XDH: variants seen among roughly 807,000 people sequenced by gnomAD.
XDH encodes the protein xanthine dehydrogenase.
A neutral mutation model predicts 156.1 loss-of-function variants in XDH; 138 were observed. That is an observed-to-expected ratio of 0.88 (90% CI 0.77 to 1.02). XDH has a LOEUF of 1.02. Among genes scored for constraint, XDH ranks in the 50% least tolerant of loss-of-function variants. The pLI, the probability that XDH is intolerant of heterozygous loss-of-function variation, is 0.00. For synonymous variants in XDH, 669 were observed against 625.7 expected, an observed-to-expected ratio of 1.07 and a Z score of -1.03; for missense variants, 1,849 against 1,684.9, an observed-to-expected ratio of 1.10 and a Z score of -1.71.
intron 1 of XDH, among the ~76,000 whole-genome samples, chr2:31,409,407 ATATGTAGATCTAC>A (rs1470087741): frequency 2.0e-5 from 3 of 152,196 alleles, no homozygotes; most frequent in African/African-American, 7.2e-5. Flanking sequence ...TACCCCATAA[ATATGTAGATCTAC>A]TATGTACCCC....
intron 7 of XDH, 115 bp downstream of exon 7, chr2:31,388,112 G>A (rs1390504585): frequency 9.7e-6 from 12 of 1,240,498 alleles, no homozygotes; most frequent in East Asian, 4.7e-5. Context: ...TGCCATCACC[G>A]ACTCACCGTA....
chr2:31,408,599 G>A (rs568269432), intron 1 of XDH, among the ~76,000 whole-genome samples: 1 of 152,282 alleles, frequency 6.6e-6, no homozygotes, highest in East Asian at 1.9e-4. Flanking sequence ...TGGAAGATAT[G>A]GAAAAGCTCT....
At chr2:31,400,960 A>T (rs1687041890) in intron 4 of XDH, among the ~76,000 whole-genome samples, 1 of 152,202 alleles carries the variant, frequency 6.6e-6, no homozygotes, top group African/African-American at 2.4e-5. Context: ...CACCAGATTC[A>T]GTTGGCCTCT....
At chr2:31,344,563 G>T in intron 31 of XDH, 121 bp downstream of exon 31, 1 of 1,138,802 alleles carries the variant, frequency 8.8e-7, no homozygotes, top group Non-Finnish European at 1.3e-6. Context: ...GAAGTCTGTT[G>T]AAGAGATAAG....
intron 24 of XDH, 22 bp from the exon 25 acceptor site, chr2:31,350,245 T>C (rs753225173): frequency 1.2e-6 from 2 of 1,613,888 alleles, no homozygotes; most frequent in Non-Finnish European, 1.7e-6. Flanking sequence ...GAAACAAAAA[T>C]GGGAGAGAAC....
intron 32 of XDH, among the ~76,000 whole-genome samples, chr2:31,341,833 AAAG>A (rs1685132293): frequency 1.3e-5 from 2 of 152,222 alleles, no homozygotes; most frequent in South Asian, 2.1e-4. Context: ...GGAAAAATAA[AAAG>A]AAGAATATTT....
chr2:31,341,390 A>C lies in XDH; in HGVS notation c.3524T>G (p.Leu1175Arg), dbSNP rs757908652. The C allele has an allele frequency of 6.3e-7, 1 of 1,576,114 alleles. No individual in the cohort carries two copies. The highest frequency in any genetic ancestry group is 8.6e-7 in the Non-Finnish European group (1 of 1,158,002). ...AACATCCATGACAATATCTGTGCGG[A>C]GGTTCTAGAGTAGACAGCAAAATTA... ...IDCLTGDHKN[L>R]RTDIVMDVGS... The change falls in exon 33 of 36, where the codon CTC becomes CGC. Residue 1175 changes from leucine to arginine, a missense_variant. Leu to Arg is a moderately radical substitution (Grantham distance 102, BLOSUM62 -2). Coordinates refer to ENST00000379416, the MANE Select transcript of XDH (RefSeq NM_000379.4).
intron 24 of XDH, among the ~76,000 whole-genome samples, chr2:31,359,228 T>C (rs1053382262): frequency 1.8e-4 from 27 of 152,146 alleles, no homozygotes; most frequent in African/African-American, 6.5e-4. Context: ...TATAATTTGA[T>C]CATTTCTTTT....
intron 24 of XDH, among the ~76,000 whole-genome samples, chr2:31,359,991 T>C (rs566553087): frequency 4.6e-5 from 7 of 152,228 alleles, no homozygotes; most frequent in African/African-American, 1.7e-4. Context: ...CATTGGAGAA[T>C]GTGAAAAGGC....
intron 32 of XDH, 94 bp downstream of exon 32, chr2:31,342,089 A>G: frequency 1.7e-6 from 2 of 1,177,636 alleles, no homozygotes; most frequent in Non-Finnish European, 2.5e-6. Flanking sequence ...TATTTTTCCA[A>G]CCAGAAATCT....
At chr2:31,365,585 A>G in intron 22 of XDH, 41 bp from the exon 23 acceptor site, 1 of 1,608,864 alleles carries the variant, frequency 6.2e-7, no homozygotes, top group Non-Finnish European at 8.5e-7. Flanking sequence ...TGAGCCTTCA[A>G]CAGCAGCTCA....
In XDH at chr2:31,375,338, A is replaced by G. The variant is rs750686522; in HGVS notation, c.1602+42T>C. On this transcript the variant is annotated intron_variant, in intron 15 of 35. Transcript: ENST00000379416. ...CCCAGACCAACTTCTTATATCCCCA[A>G]ACATGCTACAGAGAGCCTGTGCCTG... 4.3e-6 allele frequency: 7 copies of G among 1,613,514 alleles called. No homozygotes were observed. In the African/African-American group the frequency reaches 5.3e-5, roughly 12 times the overall value.
chr2:31,388,332 CAA>C, intron 6 of XDH, 37 bp from the exon 7 acceptor site: 1 of 1,606,806 alleles, frequency 6.2e-7, no homozygotes, highest in Non-Finnish European at 8.5e-7. Flanking sequence ...AGGGTATTTA[CAA>C]AGAGTATTTG....
chr2:31,380,004 C>T lies in XDH; in HGVS notation c.1133-28G>A, dbSNP rs764348793. 3 of 1,607,966 alleles carry T rather than the reference C, an allele frequency of 1.9e-6. No individual in the cohort carries two copies. In the African/African-American group the frequency reaches 4.0e-5, roughly 22 times the overall value. Reference sequence around the variant, plus strand: ...GTACAGAAGCAAGATGAAGAGGAGCCAAAGTGAGGGAAAGGCTGGGAACCC... The same window carrying T: ...GTACAGAAGCAAGATGAAGAGGAGCTAAAGTGAGGGAAAGGCTGGGAACCC... On this transcript the variant is annotated intron_variant, in intron 12 of 35. Coordinates refer to ENST00000379416, the MANE Select transcript of XDH (RefSeq NM_000379.4).
intron 16 of XDH, among the ~76,000 whole-genome samples, chr2:31,372,633 A>C (rs1686108095): frequency 6.6e-6 from 1 of 152,246 alleles, no homozygotes; most frequent in Non-Finnish European, 1.5e-5. Context: ...CATTTCCACT[A>C]ATTGGGGATT....
At chr2:31,386,644 T>A in intron 8 of XDH, 89 bp from the exon 9 acceptor site, 1 of 1,533,500 alleles carries the variant, frequency 6.5e-7, no homozygotes, top group Non-Finnish European at 9.0e-7. Context: ...ATGGGATGTT[T>A]TACTGACATT....
rs1046261220 is a variant in XDH, at chr2:31,340,319, G to A, written c.3586-642C>T. Among the ~76,000 whole-genome samples the A allele has an allele frequency of 6.3e-4, 96 of 152,152 alleles. 1 individual carries two copies. The highest frequency in any genetic ancestry group is 1.5e-4 in the Non-Finnish European group (10 of 68,042). ...AGGGGACCATAAATGGTTGTTCAAT[G>A]AATTAATGAACAGATTGACTAATGG... On this transcript the variant is annotated intron_variant, in intron 33 of 35. Coordinates refer to ENST00000379416, the MANE Select transcript of XDH (RefSeq NM_000379.4).
At chr2:31,343,306 A>G (rs201594245) in intron 31 of XDH, among the ~76,000 whole-genome samples, 1 of 107,172 alleles carries the variant, frequency 9.3e-6, no homozygotes, top group Non-Finnish European at 2.0e-5. Context: ...ATATATATAT[A>G]TATATATATA....
At chr2:31,336,826 G>C in intron 35 of XDH, among the ~76,000 whole-genome samples, 1 of 140,140 alleles carries the variant, frequency 7.1e-6, no homozygotes, top group Non-Finnish European at 1.5e-5. Context: ...AAAAGAGAAA[G>C]CCCCACCTGA....
Sources: gnomAD v4.1 joint callset for allele counts (sites outside exome capture counted in the v4.1 genomes callset) on GRCh38, gnomAD v4.1.1 for gene constraint, MANE v1.5 for transcripts, NCBI Gene and HGNC (gene_info 2026-07-23, HGNC 2026-07-21) for gene names.